The following CDH4 variants were observed in gnomAD, a reference collection of about 807,000 sequenced individuals.
CDH4 encodes the protein cadherin-4.
In CDH4, 33 loss-of-function variants were observed where a neutral mutation model predicts 86.0. That is an observed-to-expected ratio of 0.38 (90% confidence interval 0.29 to 0.51). The LOEUF (loss-of-function observed/expected upper bound fraction) is 0.51. Ranked by LOEUF, CDH4 falls within the 20% of genes least tolerant of loss-of-function variation. The pLI is 0.86. For missense variants in CDH4, 1,114 were observed against 1,307.4 expected, an observed-to-expected ratio of 0.85 and a Z score of 2.28; for synonymous variants, 555 against 549.4, an observed-to-expected ratio of 1.01 and a Z score of -0.14.
intron 2 of CDH4, among the ~76,000 whole-genome samples, chr20:61,263,570 G>A (rs1360923911): frequency 6.6e-6 from 1 of 152,182 alleles, no homozygotes. Context: ...ATGGGCAGGG[G>A]ACTTTGTCTG....
intron 4 of CDH4, among the ~76,000 whole-genome samples, chr20:61,788,505 G>GGGTCA (rs1485408265): frequency 6.6e-6 from 1 of 152,204 alleles, no homozygotes; most frequent in African/African-American, 2.4e-5. Flanking sequence ...CCCAGAGGTG[G>GGGTCA]GGTCAGGAGG....
At chr20:61,266,776 G>T (rs2084160398) in intron 2 of CDH4, among the ~76,000 whole-genome samples, 1 of 152,180 alleles carries the variant, frequency 6.6e-6, no homozygotes, top group East Asian at 1.9e-4. Context: ...AGCCCCGTGG[G>T]TCCTATCCCA....
rs1283200958 is a variant in CDH4 at position 61,721,591 on chromosome 20, A to G, written c.170-21972A>G. Among the ~76,000 whole-genome samples the G allele has an allele frequency of 2.0e-5, 3 of 152,218 alleles. No individual in the cohort carries two copies. In the East Asian group the frequency reaches 5.8e-4, roughly 29 times the overall value. ...AAAAACAATTCTTTATCAAGACTTCATGTCAGAATTGCACAGGGATAATTA... is the reference window on the plus strand; with the variant it reads ...AAAAACAATTCTTTATCAAGACTTCGTGTCAGAATTGCACAGGGATAATTA... On this transcript the variant is annotated intron_variant, in intron 2 of 15. Coordinates refer to ENST00000614565, the MANE Select transcript of CDH4 (RefSeq NM_001794.5).
intron 2 of CDH4, among the ~76,000 whole-genome samples, chr20:61,333,906 A>G (rs6028119): frequency 0.6 from 90,996 of 152,176 alleles, 27,278 homozygotes; most frequent in Middle Eastern, 0.76. Flanking sequence ...GCTGCAGACC[A>G]GGGGCACCAT....
At chr20:61,265,336 C>G (rs1358365394) in intron 2 of CDH4, among the ~76,000 whole-genome samples, 1 of 149,370 alleles carries the variant, frequency 6.7e-6, no homozygotes, top group Non-Finnish European at 1.5e-5. Flanking sequence ...TTCATTCAGT[C>G]CTACACATAT....
At chr20:61,621,504 TC>T (rs1477553653) in intron 2 of CDH4, among the ~76,000 whole-genome samples, 1 of 152,210 alleles carries the variant, frequency 6.6e-6, no homozygotes, top group Non-Finnish European at 1.5e-5. Flanking sequence ...TACCATGCAG[TC>T]AATCAGAGTA....
chr20:61,714,021 T>TA (rs1555828912), intron 2 of CDH4, among the ~76,000 whole-genome samples: 1 of 135,974 alleles, frequency 7.4e-6, no homozygotes, highest in South Asian at 2.7e-4. Flanking sequence ...GTCTATTCTT[T>TA]TTTTATTTTA....
At chr20:61,643,759 G>A (rs79830700) in intron 2 of CDH4, among the ~76,000 whole-genome samples, 2,542 of 152,330 alleles carry the variant, frequency 0.017, 66 homozygotes, top group African/African-American at 0.057. Flanking sequence ...AGATCCTCAC[G>A]GTTTTCTGTT....
At chr20:61,324,125 C>A (rs2123247568) in intron 2 of CDH4, among the ~76,000 whole-genome samples, 1 of 152,206 alleles carries the variant, frequency 6.6e-6, no homozygotes, top group South Asian at 2.1e-4. Context: ...GAGTAGGGAC[C>A]CAGATCGTCC....
At chr20:61,598,980 C>G (rs943923884) in intron 2 of CDH4, among the ~76,000 whole-genome samples, 1 of 152,242 alleles carries the variant, frequency 6.6e-6, no homozygotes, top group African/African-American at 2.4e-5. Context: ...ACACGAGTCC[C>G]TCAGTGGTCA....
intron 2 of CDH4, among the ~76,000 whole-genome samples, chr20:61,301,027 A>G (rs1055955550): frequency 6.6e-6 from 1 of 152,184 alleles, no homozygotes. Context: ...GGTTAATCCC[A>G]TTAACTTCAA....
chr20:61,794,762 G>A (rs6089278), intron 4 of CDH4, among the ~76,000 whole-genome samples: 114,728 of 152,116 alleles, frequency 0.75, 43,644 homozygotes, highest in African/African-American at 0.87. Context: ...ACTGCAAAGT[G>A]CATGATCACA....
chr20:61,661,407 T>C (rs929664347), intron 2 of CDH4, among the ~76,000 whole-genome samples: 10 of 150,906 alleles, frequency 6.6e-5, no homozygotes, highest in Middle Eastern at 3.5e-3. Flanking sequence ...AAACCAAAAC[T>C]AAGTCTCTGT....
chr20:61,930,754 C>T (rs1015599409), intron 13 of CDH4, among the ~76,000 whole-genome samples: 3 of 152,226 alleles, frequency 2.0e-5, no homozygotes, highest in Non-Finnish European at 2.9e-5. Context: ...GTTTTGAAAG[C>T]CGTTCAGTGT....
At chr20:61,883,814 C>G (rs1286519519) in intron 7 of CDH4, among the ~76,000 whole-genome samples, 1 of 152,226 alleles carries the variant, frequency 6.6e-6, no homozygotes, top group African/African-American at 2.4e-5. Flanking sequence ...CTAGACTCTT[C>G]TAATCACCAG....
intron 2 of CDH4, among the ~76,000 whole-genome samples, chr20:61,457,010 G>A (rs1481869988): frequency 6.6e-6 from 1 of 152,182 alleles, no homozygotes; most frequent in Non-Finnish European, 1.5e-5. Context: ...AGTGGCAAAA[G>A]GGGCTTTGTG....
intron 4 of CDH4, among the ~76,000 whole-genome samples, chr20:61,800,655 C>G (rs1293784525): frequency 6.6e-6 from 1 of 152,214 alleles, no homozygotes; most frequent in African/African-American, 2.4e-5. Flanking sequence ...CCTTAAGTCC[C>G]CAGGATATGG....
intron 4 of CDH4, among the ~76,000 whole-genome samples, chr20:61,803,581 G>A (rs1224887890): frequency 1.3e-5 from 2 of 152,178 alleles, no homozygotes; most frequent in Non-Finnish European, 2.9e-5. Flanking sequence ...TTCTGCTACC[G>A]CGGGCGAGCC....
rs921268884 is a variant in CDH4, at chr20:61,550,129, G to A, written c.170-193434G>A. On this transcript the variant is annotated intron_variant, in intron 2 of 15. Transcript: ENST00000614565. ...TCTGGCTTCCTTAGGTTGCCTCACT[G>A]GCCTCCCTAGCCTACCTCCATGGCC... 4.4e-4 allele frequency among the ~76,000 whole-genome samples: 66 copies of A among 149,666 alleles called. 1 individual carries two copies. The highest frequency in any genetic ancestry group is 7.4e-5 in the Non-Finnish European group (5 of 67,408).
Sources: gnomAD v4.1 joint callset for allele counts (sites outside exome capture counted in the v4.1 genomes callset) on GRCh38, gnomAD v4.1.1 for gene constraint, MANE v1.5 for transcripts, NCBI Gene and HGNC (gene_info 2026-07-23, HGNC 2026-07-21) for gene names.